The following ADORA2B variants were observed in gnomAD, a reference collection of about 807,000 sequenced individuals.
ADORA2B encodes the protein adenosine A2b receptor, also known as adenosine receptor A2b.
Under a neutral mutation model 20.8 loss-of-function variants are expected in ADORA2B, and 18 were observed. That is an observed-to-expected ratio of 0.87 (90% CI 0.60 to 1.29). The LOEUF (loss-of-function observed/expected upper bound fraction) is 1.29. Ranked by LOEUF, ADORA2B falls within the 50% of genes most tolerant of loss-of-function variation. The pLI, the probability that ADORA2B is intolerant of heterozygous loss-of-function variation, is 0.00. For missense variants in ADORA2B, 441 were observed against 422.7 expected (o/e 1.04, Z -0.38); for synonymous variants, 179 against 178.3 (o/e 1.00, Z -0.03).
intron 1 of ADORA2B, among the ~76,000 whole-genome samples, chr17:15,947,634 G>A (rs960532120): frequency 2.2e-4 from 34 of 152,292 alleles, no homozygotes; most frequent in Admixed American, 7.8e-4. Context: ...AGAGTTAGTC[G>A]TCTGACCTGG....
At chr17:15,938,221 GAAGGA>G in the ADORA2B span, among the ~76,000 whole-genome samples, 8 of 152,084 alleles carry the variant, frequency 5.3e-5, no homozygotes, top group Admixed American at 1.3e-4. Context: ...AGAAAGGAAG[GAAGGA>G]AAGGAAAGGA....
At chr17:15,943,273 C>T (rs1969760674), upstream of ADORA2B, among the ~76,000 whole-genome samples, 2 of 152,216 alleles carry the variant, frequency 1.3e-5, no homozygotes, top group Non-Finnish European at 1.5e-5. Flanking sequence ...CTCGTTGGTG[C>T]AAGGGCAGAT....
the ADORA2B span, among the ~76,000 whole-genome samples, chr17:15,889,248 AT>A: frequency 5.4e-5 from 7 of 129,310 alleles, 1 homozygote; most frequent in Admixed American, 4.6e-4. Flanking sequence ...TTGTGAAAAA[AT>A]TTAAACACTC....
the ADORA2B span, among the ~76,000 whole-genome samples, chr17:15,917,618 C>T: frequency 6.6e-6 from 1 of 152,246 alleles, no homozygotes; most frequent in African/African-American, 2.4e-5. Context: ...CAGGGATGCC[C>T]AGCAATCTCG....
chr17:15,945,210 C>T lies in ADORA2B; in HGVS notation c.-39C>T. 1.5e-6 allele frequency: 2 copies of T among 1,377,582 alleles called. No homozygotes were observed. Among genetic ancestry groups the T allele is most frequent in the Non-Finnish European group, 9.3e-7 (1 of 1,073,532 alleles). The allele number at this position is 1,377,582 out of a possible 1,614,324, so 85.3% of individuals were successfully genotyped here. On this transcript the variant is annotated 5_prime_UTR_variant, in exon 1 of 2. Coordinates refer to ENST00000304222, the MANE Select transcript of ADORA2B (RefSeq NM_000676.4). ...ACGCGGCTGCCCCTCGCCCGGCGCG[C>T]CTTCGGTAGGGGGCGCCCGGGGCCC...
the ADORA2B span, among the ~76,000 whole-genome samples, chr17:15,854,884 A>G: frequency 5.3e-5 from 8 of 151,754 alleles, no homozygotes; most frequent in East Asian, 3.9e-4. Flanking sequence ...AATGTCTACT[A>G]TGTACCAGGC....
At chr17:15,852,582 G>A in the ADORA2B span, among the ~76,000 whole-genome samples, 1 of 152,130 alleles carries the variant, frequency 6.6e-6, no homozygotes, top group Non-Finnish European at 1.5e-5. Flanking sequence ...AGGAGATCCA[G>A]ATATTAGACA....
chr17:15,938,176 G>C, the ADORA2B span, among the ~76,000 whole-genome samples: 1 of 150,032 alleles, frequency 6.7e-6, no homozygotes, highest in African/African-American at 2.5e-5. Flanking sequence ...TGTCAAAAGA[G>C]AGAGAAAAAA....
At chr17:15,964,794 G>A (rs931902898) in intron 1 of ADORA2B, among the ~76,000 whole-genome samples, 1 of 150,234 alleles carries the variant, frequency 6.7e-6, no homozygotes, top group Admixed American at 6.6e-5. Flanking sequence ...GGGCGCGGTG[G>A]CTCACGCCTG....
chr17:15,893,692 AT>A, the ADORA2B span, among the ~76,000 whole-genome samples: 1 of 152,230 alleles, frequency 6.6e-6, no homozygotes, highest in Non-Finnish European at 1.5e-5. Flanking sequence ...ATTACATGAC[AT>A]TTGTAGACAG....
At chr17:15,864,814 C>A in the ADORA2B span, among the ~76,000 whole-genome samples, 1 of 151,958 alleles carries the variant, frequency 6.6e-6, no homozygotes, top group Admixed American at 6.6e-5. Flanking sequence ...TTCCTGTAAT[C>A]CTTTAAGTAA....
At chr17:15,910,716 G>A in the ADORA2B span, among the ~76,000 whole-genome samples, 1 of 152,196 alleles carries the variant, frequency 6.6e-6, no homozygotes, top group African/African-American at 2.4e-5. Context: ...GTGGCCCAGG[G>A]AAGCCAAAAG....
At chr17:15,941,060 G>A (rs1173139059), upstream of ADORA2B, among the ~76,000 whole-genome samples, 1 of 152,208 alleles carries the variant, frequency 6.6e-6, no homozygotes, top group Non-Finnish European at 1.5e-5. Context: ...GGTGAGAGAT[G>A]AGACGATGTG....
the ADORA2B span, among the ~76,000 whole-genome samples, chr17:15,857,859 C>T: frequency 2.5e-4 from 38 of 152,030 alleles, no homozygotes; most frequent in South Asian, 6.2e-4. Context: ...CTTCTGTGAC[C>T]GGCTTCTTTG....
chr17:15,963,342 A>T (rs1439036892), intron 1 of ADORA2B, among the ~76,000 whole-genome samples: 1 of 152,130 alleles, frequency 6.6e-6, no homozygotes, highest in Non-Finnish European at 1.5e-5. Flanking sequence ...TTAAAATGGG[A>T]AAGTTATGAT....
the ADORA2B span, among the ~76,000 whole-genome samples, chr17:15,906,233 G>C: frequency 6.6e-6 from 1 of 152,212 alleles, no homozygotes; most frequent in Non-Finnish European, 1.5e-5. Context: ...TAAGTATGAT[G>C]TTAGTTGTTG....
chr17:15,918,596 C>T, the ADORA2B span, among the ~76,000 whole-genome samples: 1 of 152,114 alleles, frequency 6.6e-6, no homozygotes, highest in African/African-American at 2.4e-5. Flanking sequence ...CTCAGCCTGT[C>T]GAGTAGCTGG....
chr17:15,924,109 C>T, the ADORA2B span, among the ~76,000 whole-genome samples: 13 of 152,214 alleles, frequency 8.5e-5, no homozygotes, highest in East Asian at 1.7e-3. Context: ...GACAAGTTTT[C>T]GCCATGTTGG....
the ADORA2B span, among the ~76,000 whole-genome samples, chr17:15,938,953 A>G: frequency 1.3e-5 from 2 of 152,344 alleles, no homozygotes; most frequent in African/African-American, 4.8e-5. Context: ...AACGATCACT[A>G]TTTGCTAAGA....
Sources: gnomAD v4.1 joint callset for allele counts (sites outside exome capture counted in the v4.1 genomes callset) on GRCh38, gnomAD v4.1.1 for gene constraint, MANE v1.5 for transcripts, NCBI Gene and HGNC (gene_info 2026-07-23, HGNC 2026-07-21) for gene names.